The following SPRY3 variants were observed in gnomAD, a reference collection of about 807,000 sequenced individuals.
SPRY3 encodes the protein protein sprouty homolog 3.
SPRY3 carries 15 observed loss-of-function variants against 20.2 expected under a neutral mutation model. The ratio of observed to expected loss-of-function variants is 0.74; its 90% CI spans 0.50 to 1.14. The LOEUF is 1.14. Ranked by LOEUF, SPRY3 falls within the 50% of genes most tolerant of loss-of-function variation. The pLI is 0.00. For synonymous variants in SPRY3, 143 were observed against 136.5 expected (o/e 1.05, Z -0.33); for missense variants, 364 against 363.9 (o/e 1.00, Z 0.00).
intron 2 of SPRY3, among the ~76,000 whole-genome samples, chrX:155,743,914 T>C (rs2091214394): frequency 1.3e-5 from 2 of 152,116 alleles, no homozygotes; most frequent in African/African-American, 4.8e-5. Flanking sequence ...ATAATTCCAT[T>C]TATATATTTA....
intron 2 of SPRY3, among the ~76,000 whole-genome samples, chrX:155,752,364 G>T (rs1204190615): frequency 1.3e-5 from 2 of 151,474 alleles, no homozygotes; most frequent in African/African-American, 4.8e-5. Context: ...AAACCTAGAT[G>T]CTATAATTCC....
intron 3 of SPRY3, among the ~76,000 whole-genome samples, chrX:155,769,916 A>G (rs769089961): frequency 9.2e-5 from 14 of 152,286 alleles, no homozygotes; most frequent in Admixed American, 9.2e-4. Flanking sequence ...GAGTGCTTTG[A>G]TAGAGATGCA....
chrX:155,644,830 C>T lies in SPRY3; in HGVS notation c.-440-12037C>T, dbSNP rs189419732. On this transcript the variant is annotated intron_variant, in intron 1 of 3. Transcript: ENST00000675360. ...CCCAAGAGTCCACTTGGTGCTGTAT[C>T]GTTCTGTGGCTGAACTGATACCTAA... 7.4e-3 allele frequency among the ~76,000 whole-genome samples: 826 copies of T among 111,226 alleles called. 2 individuals carry two copies. Among genetic ancestry groups the T allele is most frequent in the Non-Finnish European group, 0.012 (649 of 52,962 alleles).
chrX:155,663,468 G>T (rs1158840717), intron 2 of SPRY3, among the ~76,000 whole-genome samples: 1 of 111,499 alleles, frequency 9.0e-6, no homozygotes, highest in Non-Finnish European at 1.9e-5. Context: ...AAGGATATAG[G>T]TTTAAATCAG....
chrX:155,764,785 C>CT, intron 2 of SPRY3, among the ~76,000 whole-genome samples: 1 of 152,204 alleles, frequency 6.6e-6, no homozygotes, highest in Admixed American at 6.5e-5. Context: ...TTAGGCAAGG[C>CT]TTTTCCTGCA....
At chrX:155,655,213 G>C (rs2067988547) in intron 1 of SPRY3, among the ~76,000 whole-genome samples, 1 of 110,574 alleles carries the variant, frequency 9.0e-6, no homozygotes, top group Non-Finnish European at 1.9e-5. Context: ...GGGTTATTTG[G>C]GATTTTTTTC....
At chrX:155,735,888 A>G (rs1246833453) in intron 2 of SPRY3, among the ~76,000 whole-genome samples, 1 of 151,278 alleles carries the variant, frequency 6.6e-6, no homozygotes, top group African/African-American at 2.4e-5. Context: ...ATCTTTTTCT[A>G]TCTTCCACTC....
At chrX:155,676,574 A>G in intron 2 of SPRY3, among the ~76,000 whole-genome samples, 1 of 112,153 alleles carries the variant, frequency 8.9e-6, no homozygotes, top group South Asian at 3.7e-4. Context: ...TTAAATTTCT[A>G]TAATCATAGA....
exon 4 of SPRY3, chrX:155,774,183 A>G (rs1433855669): frequency 2.5e-6 from 4 of 1,613,776 alleles, no homozygotes; most frequent in Non-Finnish European, 3.4e-6. Flanking sequence ...CCAGCATTAC[A>G]CCCTCACCTT....
At chrX:155,670,373 C>T (rs1212127306) in intron 2 of SPRY3, among the ~76,000 whole-genome samples, 1 of 111,992 alleles carries the variant, frequency 8.9e-6, no homozygotes, top group Non-Finnish European at 1.9e-5. Context: ...CCAATTCTTT[C>T]CCTCTGGGGA....
At chrX:155,685,151 T>A (rs2068083874) in intron 2 of SPRY3, among the ~76,000 whole-genome samples, 1 of 112,080 alleles carries the variant, frequency 8.9e-6, no homozygotes, top group African/African-American at 3.2e-5. Flanking sequence ...TGAAAAGTTT[T>A]CAACCATTAT....
At chrX:155,724,778 A>C (rs2091086097) in intron 2 of SPRY3, among the ~76,000 whole-genome samples, 1 of 152,090 alleles carries the variant, frequency 6.6e-6, no homozygotes, top group Non-Finnish European at 1.5e-5. Flanking sequence ...GGACAATTTG[A>C]CTTCCTCTTT....
intron 2 of SPRY3, among the ~76,000 whole-genome samples, chrX:155,767,640 G>C (rs776124519): frequency 6.7e-6 from 1 of 149,270 alleles, no homozygotes; most frequent in Admixed American, 6.7e-5. Flanking sequence ...TGGAGGGGGA[G>C]GGGGAAGAGA....
intron 2 of SPRY3, among the ~76,000 whole-genome samples, chrX:155,693,906 G>T (rs2068110864): frequency 8.9e-6 from 1 of 112,013 alleles, no homozygotes; most frequent in Non-Finnish European, 1.9e-5. Flanking sequence ...GGGCTCAAGT[G>T]ATCCTCTGGC....
chrX:155,744,963 A>G (rs1227406159), intron 2 of SPRY3, among the ~76,000 whole-genome samples: 2 of 152,030 alleles, frequency 1.3e-5, no homozygotes, highest in Non-Finnish European at 2.9e-5. Flanking sequence ...TAGGATGCTA[A>G]GCTACTGAGT....
chrX:155,730,329 T>A (rs1307155525), intron 2 of SPRY3, among the ~76,000 whole-genome samples: 1 of 152,206 alleles, frequency 6.6e-6, no homozygotes, highest in East Asian at 1.9e-4. Context: ...ATTGAGAAGA[T>A]CATTCATCAT....
At chrX:155,730,553 C>A (rs2091126202) in intron 2 of SPRY3, among the ~76,000 whole-genome samples, 1 of 152,020 alleles carries the variant, frequency 6.6e-6, no homozygotes, top group African/African-American at 2.4e-5. Flanking sequence ...ATAATAAAAG[C>A]CATATATGAC....
At position 155,773,863 on chromosome X, in the gene SPRY3, C is replaced by G; in HGVS notation, c.-9C>G. 1 of 1,609,990 alleles carries G rather than the reference C, an allele frequency of 6.2e-7. No individual in the cohort carries two copies. The highest frequency in any genetic ancestry group is 8.5e-7 in the Non-Finnish European group (1 of 1,177,390). On this transcript the variant is annotated 5_prime_UTR_variant, in exon 4 of 4. The change creates a new upstream start codon in the 5' untranslated region. Coordinates refer to ENST00000675360, the Ensembl canonical transcript of SPRY3. ...TTAAAACCACTCAGAGCTAAAAAAT[C>G]AAGGCAAAATGGATGCTGCGGTGAC...
At chrX:155,664,142 A>G (rs1300724540) in intron 2 of SPRY3, among the ~76,000 whole-genome samples, 1 of 110,912 alleles carries the variant, frequency 9.0e-6, no homozygotes, top group African/African-American at 3.3e-5. Context: ...ATAAAATGCA[A>G]TAATTTAAAA....
Sources: gnomAD v4.1 joint callset for allele counts (sites outside exome capture counted in the v4.1 genomes callset) on GRCh38, gnomAD v4.1.1 for gene constraint, MANE v1.5 for transcripts, NCBI Gene and HGNC (gene_info 2026-07-23, HGNC 2026-07-21) for gene names.